The following ERP44 variants were observed in gnomAD, a reference collection of about 807,000 sequenced individuals.
ERP44 encodes endoplasmic reticulum resident protein 44.
In ERP44, 25 loss-of-function variants were observed where a neutral mutation model predicts 53.4. The observed-to-expected ratio is 0.47, with a 90% CI of 0.34 to 0.65. The LOEUF (loss-of-function observed/expected upper bound fraction) is 0.65. Ranked by LOEUF, ERP44 falls within the 30% of genes least tolerant of loss-of-function variation. ERP44 has a pLI of 0.01. For missense variants in ERP44, 338 were observed against 493.2 expected, an observed-to-expected ratio of 0.69 and a Z score of 2.98; for synonymous variants, 145 against 161.2, an observed-to-expected ratio of 0.90 and a Z score of 0.76.
chr9:99,984,963 C>G lies in ERP44; in HGVS notation c.1119+4G>C, dbSNP rs1564082833. 1 of 1,581,658 alleles carries G rather than the reference C, an allele frequency of 6.3e-7. No individual in the cohort carries two copies. Among genetic ancestry groups the G allele is most frequent in the South Asian group, 1.1e-5 (1 of 89,386 alleles). Reference sequence around the variant, plus strand: ...TCTCATTGAAAAATAAACAGGAGTCCTACCTCTCCTGGGGCTGTATCAGTT... The same window carrying G: ...TCTCATTGAAAAATAAACAGGAGTCGTACCTCTCCTGGGGCTGTATCAGTT... On this transcript the variant is annotated splice_donor_region_variant and intron_variant, in intron 11 of 11. Coordinates refer to ENST00000262455, the MANE Select transcript of ERP44 (RefSeq NM_015051.3).
At position 99,985,081 on chromosome 9, in the gene ERP44, G is replaced by A. The variant is rs191398516; in HGVS notation, c.1017-12C>T. 987 of 1,553,348 alleles carry A rather than the reference G, an allele frequency of 6.4e-4. 4 individuals are homozygous for A. In the African/African-American group the frequency reaches 0.011, roughly 18 times the overall value. On this transcript the variant is annotated splice_polypyrimidine_tract_variant and intron_variant, in intron 10 of 11. Coordinates refer to ENST00000262455, the MANE Select transcript of ERP44 (RefSeq NM_015051.3). ...GTTTTCCAGGAATTCTAAAACCAGA[G>A]TCAAATAAAATGTAAACTGTTAAAA...
At chr9:100,052,644 T>A in intron 3 of ERP44, 112 bp from the exon 4 acceptor site, 1 of 523,532 alleles carries the variant, frequency 1.9e-6, no homozygotes, top group Non-Finnish European at 3.4e-6. Flanking sequence ...CTCTGCGAGA[T>A]AATCACACAC....
intron 4 of ERP44, among the ~76,000 whole-genome samples, chr9:100,049,468 A>T (rs1338562006): frequency 2.0e-4 from 30 of 152,216 alleles, no homozygotes; most frequent in Admixed American, 2.0e-3. Flanking sequence ...ATTTGAACAG[A>T]CACATCATCA....
chr9:100,086,713 T>TGAAGCAGG (rs1008053722), intron 1 of ERP44, among the ~76,000 whole-genome samples: 29 of 152,320 alleles, frequency 1.9e-4, no homozygotes, highest in African/African-American at 6.7e-4. Flanking sequence ...GAGCTAGGAA[T>TGAAGCAGG]GAAGCAGGTC....
chr9:100,054,654 A>G (rs779029359), intron 3 of ERP44, among the ~76,000 whole-genome samples: 1 of 152,212 alleles, frequency 6.6e-6, no homozygotes, highest in Non-Finnish European at 1.5e-5. Flanking sequence ...TTTTGGGGTT[A>G]GGGATGTTGA....
intron 1 of ERP44, among the ~76,000 whole-genome samples, chr9:100,063,310 T>G (rs992034044): frequency 3.0e-4 from 46 of 152,238 alleles, no homozygotes; most frequent in African/African-American, 1.1e-3. Flanking sequence ...AAGAAAACTC[T>G]CTGACCCAGT....
chr9:99,993,172 C>T (rs1830273789), intron 10 of ERP44, among the ~76,000 whole-genome samples: 1 of 152,168 alleles, frequency 6.6e-6, no homozygotes, highest in South Asian at 2.1e-4. Context: ...CTTTAAAATT[C>T]ATATGGAACC....
At chr9:100,060,273 G>C in intron 1 of ERP44, 101 bp from the exon 2 acceptor site, 1 of 1,185,378 alleles carries the variant, frequency 8.4e-7, no homozygotes, top group South Asian at 2.8e-5. Context: ...TTGTTCCTTA[G>C]AAAATTATAC....
chr9:99,985,958 T>C (rs764089698), intron 10 of ERP44, among the ~76,000 whole-genome samples: 23 of 152,324 alleles, frequency 1.5e-4, no homozygotes, highest in Non-Finnish European at 2.9e-4. Flanking sequence ...CTGAGGATAA[T>C]GATATATAAA....
Position 99,981,322 on chromosome 9 carries a change from A to G in ERP44, c.*1290T>C, listed in dbSNP as rs906236219. The G allele has an allele frequency of 5.2e-5, 8 of 152,758 alleles. No individual in the cohort carries two copies. The highest frequency in any genetic ancestry group is 3.9e-4 in the Admixed American group (6 of 15,304). 9.5% of individuals were successfully genotyped at this position (152,758 alleles called of 1,614,324 possible). On this transcript the variant is annotated 3_prime_UTR_variant, in exon 12 of 12. Transcript: ENST00000262455. ...ATAACAATCATTAAATATCCATTAT[A>G]AATATTAATTTTATTTTAAAAGAAT...
intron 8 of ERP44, among the ~76,000 whole-genome samples, chr9:100,011,726 G>C (rs971278258): frequency 6.6e-6 from 1 of 152,050 alleles, no homozygotes; most frequent in Non-Finnish European, 1.5e-5. Context: ...TCAGAATCCA[G>C]GGAAATACTA....
intron 7 of ERP44, 83 bp downstream of exon 7, chr9:100,018,173 G>C (rs1355892631): frequency 1.1e-6 from 1 of 879,506 alleles, no homozygotes; most frequent in Non-Finnish European, 1.9e-6. Flanking sequence ...ATTAGTCTAT[G>C]AACATTAACA....
At chr9:100,054,381 G>A (rs1826068530) in intron 3 of ERP44, among the ~76,000 whole-genome samples, 1 of 152,100 alleles carries the variant, frequency 6.6e-6, no homozygotes, top group African/African-American at 2.4e-5. Flanking sequence ...ATTTAGATCT[G>A]ACCTAGTGAA....
intron 6 of ERP44, among the ~76,000 whole-genome samples, chr9:100,018,885 G>A (rs1174149357): frequency 2.6e-5 from 4 of 152,080 alleles, no homozygotes; most frequent in South Asian, 2.1e-4. Flanking sequence ...ATTGATAACC[G>A]TGGGAACAGA....
intron 1 of ERP44, among the ~76,000 whole-genome samples, chr9:100,063,092 A>AAAAAAG (rs773290883): frequency 1.4e-5 from 2 of 145,286 alleles, no homozygotes; most frequent in African/African-American, 2.6e-5. Flanking sequence ...AAAAAAAAAA[A>AAAAAAG]AGAGAGAGAG....
intron 1 of ERP44, among the ~76,000 whole-genome samples, chr9:100,096,145 T>C (rs977743078): frequency 2.0e-5 from 3 of 152,120 alleles, no homozygotes; most frequent in Non-Finnish European, 2.9e-5. Context: ...AAATCTGAAC[T>C]ACAGAAGAGG....
At chr9:100,055,991 C>A (rs1243595376) in intron 3 of ERP44, among the ~76,000 whole-genome samples, 1 of 152,190 alleles carries the variant, frequency 6.6e-6, no homozygotes, top group African/African-American at 2.4e-5. Flanking sequence ...AGTATTAATT[C>A]ATCAACAACT....
chr9:99,997,893 CACAAGCGACTG>C (rs955561114), intron 10 of ERP44, among the ~76,000 whole-genome samples: 1 of 152,084 alleles, frequency 6.6e-6, no homozygotes, highest in African/African-American at 2.4e-5. Flanking sequence ...CACCGAGAAG[CACAAGCGACTG>C]ACAGCTCCTC....
In ERP44 at chr9:100,068,225, C is replaced by T. The variant is rs531799390; in HGVS notation, c.58-8053G>A. Among the ~76,000 whole-genome samples the T allele has an allele frequency of 3.8e-4, 56 of 148,138 alleles. 1 individual carries two copies. The highest frequency in any genetic ancestry group is 2.5e-3 in the East Asian group (12 of 4,746). On this transcript the variant is annotated intron_variant, in intron 1 of 11. Coordinates refer to ENST00000262455, the MANE Select transcript of ERP44 (RefSeq NM_015051.3). ...GAGGTAGGGGGGTCAGCCCTGCGCC[C>T]GGCCAGCCGCCCCGTACGGAAGGTG...
Sources: allele counts gnomAD v4.1 joint callset (sites outside exome capture counted in the v4.1 genomes callset), GRCh38; gene constraint gnomAD v4.1.1; transcripts MANE v1.5; gene names NCBI Gene and HGNC (gene_info 2026-07-23, HGNC 2026-07-21).